The following PTPRD variants were observed in gnomAD, a reference collection of about 807,000 sequenced individuals.
The protein encoded by PTPRD is protein tyrosine phosphatase receptor type D.
PTPRD carries 34 observed loss-of-function variants against 214.5 expected under a neutral mutation model. The ratio of observed to expected loss-of-function variants is 0.16; its 90% CI spans 0.12 to 0.21. The LOEUF (loss-of-function observed/expected upper bound fraction) is 0.21. Among genes scored for constraint, PTPRD ranks in the 10% least tolerant of loss-of-function variants. PTPRD has a pLI of 1.00. For synonymous variants in PTPRD, 1,128 were observed against 845.7 expected, an observed-to-expected ratio of 1.33 and a Z score of -5.79; for missense variants, 2,545 against 2,398.7, an observed-to-expected ratio of 1.06 and a Z score of -1.27.
rs1460366870 is a variant in PTPRD at position 8,486,161 on chromosome 9, G to A, written c.2656C>T (p.His886Tyr). Residue 886 changes from histidine to tyrosine, a missense_variant, in exon 28 of 46, where the codon CAC becomes TAC. His to Tyr is a moderately conservative substitution (Grantham distance 83). Transcript: ENST00000381196. Reference sequence around the variant, plus strand: ...CTGAAGACGTATGATGCTCCCTTGTGGATGTCTGTAGCTGTAAAGTGATCT... The same window carrying A: ...CTGAAGACGTATGATGCTCCCTTGTAGATGTCTGTAGCTGTAAAGTGATCT... ...KEDHFTATDI[H>Y]KGASYVFRLS... The A allele has an allele frequency of 1.9e-6, 3 of 1,614,172 alleles. No homozygotes were observed. Among genetic ancestry groups the A allele is most frequent in the Non-Finnish European group, 2.5e-6 (3 of 1,180,028 alleles).
At chr9:9,529,090 G>A (rs566245933) in intron 8 of PTPRD, among the ~76,000 whole-genome samples, 31 of 151,602 alleles carry the variant, frequency 2.0e-4, no homozygotes, top group African/African-American at 7.3e-4. Flanking sequence ...ATGCCACCAC[G>A]CCTAGCTAAT....
intron 11 of PTPRD, among the ~76,000 whole-genome samples, chr9:8,948,576 T>TACAC (rs1190999117): frequency 9.5e-6 from 1 of 105,520 alleles, no homozygotes; most frequent in African/African-American, 3.8e-5. Flanking sequence ...TATATATATA[T>TACAC]ACACACACAC....
At chr9:8,568,145 T>C (rs748412871) in intron 14 of PTPRD, among the ~76,000 whole-genome samples, 1 of 152,270 alleles carries the variant, frequency 6.6e-6, no homozygotes, top group Admixed American at 6.5e-5. Flanking sequence ...AAAAATCCAA[T>C]AGATTTTGGT....
intron 7 of PTPRD, among the ~76,000 whole-genome samples, chr9:9,708,215 C>T (rs1291276451): frequency 1.2e-5 from 1 of 85,706 alleles, no homozygotes; most frequent in Admixed American, 1.4e-4. Flanking sequence ...TTGCTGGGCC[C>T]AATTTCATTA....
At chr9:9,734,236 C>G (rs2098252321) in intron 7 of PTPRD, among the ~76,000 whole-genome samples, 1 of 152,102 alleles carries the variant, frequency 6.6e-6, no homozygotes, top group African/African-American at 2.4e-5. Flanking sequence ...TCTGTCCTAT[C>G]ACGAACTCTT....
chr9:9,042,131 T>C (rs2099641868), intron 10 of PTPRD, among the ~76,000 whole-genome samples: 1 of 152,168 alleles, frequency 6.6e-6, no homozygotes, highest in Non-Finnish European at 1.5e-5. Context: ...ACAACTCTCT[T>C]CTTTATGTAT....
intron 8 of PTPRD, among the ~76,000 whole-genome samples, chr9:9,406,171 T>C (rs2073253783): frequency 6.6e-6 from 1 of 151,998 alleles, no homozygotes; most frequent in Non-Finnish European, 1.5e-5. Flanking sequence ...CAAATGTTTT[T>C]GAAACACATT....
intron 10 of PTPRD, among the ~76,000 whole-genome samples, chr9:9,076,857 T>C (rs146303759): frequency 9.6e-4 from 146 of 152,120 alleles, no homozygotes; most frequent in African/African-American, 3.5e-3. Flanking sequence ...GCTCTATTTT[T>C]AGTTTTTTGA....
chr9:8,594,859 C>A (rs1020884636), intron 14 of PTPRD, among the ~76,000 whole-genome samples: 2 of 141,536 alleles, frequency 1.4e-5, no homozygotes, highest in Non-Finnish European at 3.1e-5. Context: ...ATGTTTAACC[C>A]CTTTTTTTTT....
At chr9:9,281,828 CA>C (rs142471708) in intron 9 of PTPRD, among the ~76,000 whole-genome samples, 13 of 145,788 alleles carry the variant, frequency 8.9e-5, no homozygotes, top group East Asian at 6.0e-4. Context: ...CTCATAATGG[CA>C]AAAAAAAAAC....
intron 11 of PTPRD, among the ~76,000 whole-genome samples, chr9:9,011,815 T>C (rs565920427): frequency 1.3e-5 from 2 of 152,330 alleles, no homozygotes; most frequent in South Asian, 4.1e-4. Context: ...CTGGTTCTTT[T>C]GATGGTATCT....
At chr9:9,504,186 A>G (rs935812864) in intron 8 of PTPRD, among the ~76,000 whole-genome samples, 1 of 151,656 alleles carries the variant, frequency 6.6e-6, no homozygotes, top group African/African-American at 2.4e-5. Flanking sequence ...GCTTTTTCTA[A>G]AATTTATAAA....
rs537327546 is a variant in PTPRD at position 9,144,580 on chromosome 9, C to A, written c.-143+38724G>T. Among the ~76,000 whole-genome samples, 13 of 152,008 alleles carry A rather than the reference C, an allele frequency of 8.6e-5. No homozygotes were observed. The South Asian group carries it at 2.1e-3, about 24-fold the overall frequency. The stretch of plus-strand genomic sequence containing the variant: ...CATCCTGGCTAACATGATGAAACCC[C>A]GTCTCTACTAAAAATAGAAAAAATT... On this transcript the variant is annotated intron_variant, in intron 10 of 45. Transcript: ENST00000381196.
chr9:8,894,859 T>G (rs545021356), intron 11 of PTPRD, among the ~76,000 whole-genome samples: 3 of 152,062 alleles, frequency 2.0e-5, no homozygotes, highest in Non-Finnish European at 4.4e-5. Context: ...CCAACTTAAA[T>G]TAAGAATTAC....
intron 3 of PTPRD, among the ~76,000 whole-genome samples, chr9:10,329,818 G>A (rs954344883): frequency 6.6e-6 from 1 of 151,662 alleles, no homozygotes. Context: ...ATGTGATATT[G>A]TATACATGTT....
intron 5 of PTPRD, among the ~76,000 whole-genome samples, chr9:9,786,258 T>A (rs986721582): frequency 1.4e-5 from 2 of 145,420 alleles, no homozygotes; most frequent in Admixed American, 1.4e-4. Flanking sequence ...ACTAGAAAAA[T>A]TTACATCTTC....
chr9:8,754,650 G>A (rs966930021), intron 11 of PTPRD, among the ~76,000 whole-genome samples: 1 of 152,110 alleles, frequency 6.6e-6, no homozygotes, highest in Non-Finnish European at 1.5e-5. Context: ...TATAGACAAT[G>A]GCACAAAAGA....
chr9:10,046,589 C>G (rs1488914342), intron 3 of PTPRD, among the ~76,000 whole-genome samples: 1 of 151,780 alleles, frequency 6.6e-6, no homozygotes, highest in Non-Finnish European at 1.5e-5. Flanking sequence ...ATGTTTCTCA[C>G]AAAACAAGGC....
intron 4 of PTPRD, among the ~76,000 whole-genome samples, chr9:9,953,222 A>C (rs1387703836): frequency 1.3e-5 from 2 of 152,132 alleles, no homozygotes; most frequent in East Asian, 3.9e-4. Flanking sequence ...CTGCAGCAGT[A>C]ATCAGTAAAA....
Sources: gnomAD v4.1 joint callset for allele counts (sites outside exome capture counted in the v4.1 genomes callset) on GRCh38, gnomAD v4.1.1 for gene constraint, MANE v1.5 for transcripts, NCBI Gene and HGNC (gene_info 2026-07-23, HGNC 2026-07-21) for gene names.